The following SYNGR1 variants were observed in gnomAD, a reference collection of about 807,000 sequenced individuals.
SYNGR1 encodes synaptogyrin 1.
In SYNGR1, 14 loss-of-function variants were observed where a neutral mutation model predicts 26.1. That is an observed-to-expected ratio of 0.54 (90% confidence interval 0.35 to 0.84). The LOEUF is 0.84. SYNGR1 is among the 40% of genes least tolerant of loss of function. The probability of loss-of-function intolerance (pLI) is 0.01; values close to 1 mark genes in which losing one functional copy is unlikely to be tolerated. For missense variants in SYNGR1, 319 were observed against 332.9 expected (o/e 0.96, Z 0.33); for synonymous variants, 141 against 150.1 (o/e 0.94, Z 0.44).
In SYNGR1 at chr22:39,350,144, G is replaced by T; in HGVS notation, c.99+35G>T. Reference sequence around the variant, plus strand: ...GACTGGCCGACGGCTCTGCCAGGCCGGGGTGGTGGGGGTGTGAGCAAAGGC... The same window carrying T: ...GACTGGCCGACGGCTCTGCCAGGCCTGGGTGGTGGGGGTGTGAGCAAAGGC... On this transcript the variant is annotated intron_variant, in intron 1 of 3. Coordinates refer to ENST00000328933, the MANE Select transcript of SYNGR1 (RefSeq NM_004711.5). The surrounding 1 kb of genome is among the most constrained non-coding windows in gnomAD (Gnocchi z 4.3). The T allele has an allele frequency of 1.5e-6, 2 of 1,348,822 alleles. No homozygotes were observed. Among genetic ancestry groups the T allele is most frequent in the Non-Finnish European group, 1.9e-6 (2 of 1,026,408 alleles). 83.6% of individuals were successfully genotyped at this position (1,348,822 alleles called of 1,614,324 possible). A position where few individuals can be genotyped will look rare whatever the true frequency, so the allele number is the denominator to read the frequency against.
At chr22:39,368,672 C>A (rs1456996428) in intron 1 of SYNGR1, among the ~76,000 whole-genome samples, 3 of 152,210 alleles carry the variant, frequency 2.0e-5, no homozygotes. Context: ...CCTCTGCTGT[C>A]CCCAGGGCCC....
At chr22:39,361,509 C>T (rs1171183397) in intron 1 of SYNGR1, among the ~76,000 whole-genome samples, 1 of 152,058 alleles carries the variant, frequency 6.6e-6, no homozygotes, top group African/African-American at 2.4e-5. Context: ...AGGCATCCAC[C>T]ACCATGCCTG....
intron 1 of SYNGR1, among the ~76,000 whole-genome samples, chr22:39,352,583 C>T (rs888913139): frequency 3.3e-5 from 5 of 152,120 alleles, no homozygotes; most frequent in African/African-American, 7.2e-5. Flanking sequence ...AACTGTGTGG[C>T]GTGCTGAGCC....
chr22:39,360,418 C>T (rs1386751846), intron 1 of SYNGR1, among the ~76,000 whole-genome samples: 1 of 152,198 alleles, frequency 6.6e-6, no homozygotes, highest in African/African-American at 2.4e-5. Context: ...CGGGCTCTCT[C>T]GCCCCTCCTC....
At chr22:39,359,390 G>A (rs985345495) in intron 1 of SYNGR1, among the ~76,000 whole-genome samples, 1 of 151,812 alleles carries the variant, frequency 6.6e-6, no homozygotes, top group African/African-American at 2.4e-5. Context: ...GGGAGGCCAA[G>A]GCAGGCGGAT....
At chr22:39,375,944 A>G in intron 2 of SYNGR1, 108 bp from the exon 3 acceptor site, 1 of 1,435,514 alleles carries the variant, frequency 7.0e-7, no homozygotes, top group Non-Finnish European at 9.8e-7. Context: ...AGCATGGGAG[A>G]TGCACTCTTG....
At position 39,385,502 on chromosome 22, in the gene SYNGR1, C is replaced by T. The variant is rs1925636334; in HGVS notation, c.*3588C>T. ...CCGTGGCACCCTCCTTTATGACATC[C>T]ATCCATCTGTGGTGAACCAAGTGAA... On this transcript the variant is annotated 3_prime_UTR_variant, in exon 4 of 4. Coordinates refer to ENST00000328933, the MANE Select transcript of SYNGR1 (RefSeq NM_004711.5). 6.6e-6 allele frequency: 1 copy of T among 152,656 alleles called. No individual in the cohort carries two copies. Among genetic ancestry groups the T allele is most frequent in the Non-Finnish European group, 1.5e-5 (1 of 68,058 alleles). The allele number at this position is 152,656 out of a possible 1,614,324, so 9.5% of individuals were successfully genotyped here.
chr22:39,372,170 G>A (rs1159854265), intron 1 of SYNGR1, among the ~76,000 whole-genome samples: 1 of 119,812 alleles, frequency 8.3e-6, no homozygotes, highest in East Asian at 2.5e-4. Flanking sequence ...TCACTCTGTT[G>A]CCTAAGCTGG....
Position 39,381,740 on chromosome 22 carries a change from C to A in SYNGR1, c.528C>A (p.Ala176=). 2 of 1,613,430 alleles carry A rather than the reference C, an allele frequency of 1.2e-6. No homozygotes were observed. The highest frequency in any genetic ancestry group is 2.2e-5 in the South Asian group (2 of 91,082). The change falls in exon 4 of 4, where the codon GCC becomes GCA. Residue 176 remains alanine, a synonymous_variant. Transcript: ENST00000328933. ...VLAFQRYQIG[A]DSALFSQDYM... Reference sequence around the variant, plus strand: ...CCTTCCAGCGGTACCAGATTGGCGCCGACTCGGCCCTCTTCTCCCAGGACT... The same window carrying A: ...CCTTCCAGCGGTACCAGATTGGCGCAGACTCGGCCCTCTTCTCCCAGGACT...
chr22:39,377,121 C>A, intron 3 of SYNGR1: 1 of 1,535,172 alleles, frequency 6.5e-7, no homozygotes, highest in South Asian at 1.2e-5. Context: ...CAGCCTCCTG[C>A]AAGGAGACTC....
At position 39,381,955 on chromosome 22, in the gene SYNGR1, C is replaced by A; in HGVS notation, c.*41C>A. The A allele has an allele frequency of 1.3e-6, 2 of 1,552,662 alleles. No individual in the cohort carries two copies. On this transcript the variant is annotated 3_prime_UTR_variant, in exon 4 of 4. Transcript: ENST00000328933. ...TGCCCCCGCCCCTCCCCATCTGTCC[C>A]CTCTCTCCACACCCAGCCCCTGCTC...
chr22:39,377,519 C>G (rs1190439503), intron 3 of SYNGR1: 2 of 1,568,922 alleles, frequency 1.3e-6, no homozygotes, highest in African/African-American at 2.7e-5. Context: ...GGTGCCTGCC[C>G]GGCCCCCTGA....
chr22:39,376,269 T>C, intron 3 of SYNGR1, 72 bp downstream of exon 3: 1 of 1,610,824 alleles, frequency 6.2e-7, no homozygotes, highest in Non-Finnish European at 8.5e-7. Flanking sequence ...GGGTGGCCTT[T>C]CGCTAGCCTG....
Position 39,378,182 on chromosome 22 carries a change from C to T in SYNGR1, c.483+1985C>T. 4 of 1,106,964 alleles carry T rather than the reference C, an allele frequency of 3.6e-6. No individual in the cohort carries two copies. In the South Asian group the frequency reaches 9.5e-5, roughly 26 times the overall value. 68.6% of individuals were successfully genotyped at this position (1,106,964 alleles called of 1,614,324 possible). A position where few individuals can be genotyped will look rare whatever the true frequency, so the allele number is the denominator to read the frequency against. ...GTTAGCATCCTGGCCGAGGATGTCA[C>T]AGGGCTCCTGGTCTGGCTCTGTCCT... is the stretch of plus-strand genomic sequence containing the variant. On this transcript the variant is annotated intron_variant, in intron 3 of 3. Transcript: ENST00000328933.
rs1392776281 is a variant in SYNGR1 at position 39,385,122 on chromosome 22, C to A, written c.*3208C>A. 1 of 397,786 alleles carries A rather than the reference C, an allele frequency of 2.5e-6. No homozygotes were observed. Among genetic ancestry groups the A allele is most frequent in the Non-Finnish European group, 4.4e-6 (1 of 225,768 alleles). 24.6% of individuals were successfully genotyped at this position (397,786 alleles called of 1,614,324 possible). A position where few individuals can be genotyped will look rare whatever the true frequency, so the allele number is the denominator to read the frequency against. On this transcript the variant is annotated 3_prime_UTR_variant, in exon 4 of 4. Transcript: ENST00000328933. ...CCTGTTAGCCCTGGGAGACCCCTAA[C>A]CTTGGCCCAAGACCCCTTTGATTCT...
At chr22:39,378,211 G>A in intron 3 of SYNGR1, 1 of 1,076,684 alleles carries the variant, frequency 9.3e-7, no homozygotes, top group South Asian at 2.8e-5. Flanking sequence ...CTGTCCTCAT[G>A]TGCTATGTGA....
chr22:39,366,328 G>T (rs1188556383), intron 1 of SYNGR1, among the ~76,000 whole-genome samples: 9 of 151,808 alleles, frequency 5.9e-5, no homozygotes, highest in Admixed American at 5.9e-4. Context: ...GGCTGTGTCT[G>T]CAGATTCTGG....
chr22:39,355,801 T>G (rs1280385403), intron 1 of SYNGR1, among the ~76,000 whole-genome samples: 1 of 152,178 alleles, frequency 6.6e-6, no homozygotes, highest in African/African-American at 2.4e-5. Flanking sequence ...GTGGATCACC[T>G]GAGGTCAGGA....
intron 1 of SYNGR1, chr22:39,364,303 TC>T: frequency 6.2e-7 from 1 of 1,611,424 alleles, no homozygotes; most frequent in Non-Finnish European, 8.5e-7. Context: ...TGAGGCAGGT[TC>T]CCCATCTGCT....
Sources: gnomAD v4.1 joint callset for allele counts (sites outside exome capture counted in the v4.1 genomes callset) on GRCh38, gnomAD v4.1.1 for gene constraint, Gnocchi (gnomAD v3.1) non-coding constraint, MANE v1.5 for transcripts, NCBI Gene and HGNC (gene_info 2026-07-23, HGNC 2026-07-21) for gene names.